The following MTA3 variants were observed in gnomAD, a reference collection of about 807,000 sequenced individuals.
MTA3 encodes metastasis-associated protein MTA3.
MTA3 carries 34 observed loss-of-function variants against 83.5 expected under a neutral mutation model. That is an observed-to-expected ratio of 0.41 (90% CI 0.31 to 0.54). MTA3 has a LOEUF of 0.54. MTA3 is among the 20% of genes least tolerant of loss of function. The pLI is 0.33. For missense variants in MTA3, 761 were observed against 726.4 expected, an observed-to-expected ratio of 1.05 and a Z score of -0.55; for synonymous variants, 303 against 252.7, an observed-to-expected ratio of 1.20 and a Z score of -1.89.
intron 2 of MTA3, among the ~76,000 whole-genome samples, chr2:42,572,100 A>G (rs1678554756): frequency 6.6e-6 from 1 of 151,764 alleles, no homozygotes; most frequent in Non-Finnish European, 1.5e-5. Context: ...ACATAGTGAA[A>G]CCCCGTCTCT....
rs1011650058 is a variant in MTA3 at position 42,711,921 on chromosome 2, AG to A, written c.1525+2827del. Among the ~76,000 whole-genome samples the A allele has an allele frequency of 6.5e-4, 99 of 152,202 alleles. 1 individual carries two copies. The highest frequency in any genetic ancestry group is 2.3e-3 in the African/African-American group (95 of 41,526). On this transcript the variant is annotated intron_variant, in intron 14 of 16. Transcript: ENST00000405094. The stretch of plus-strand genomic sequence containing the variant: ...TGCAATGTGAATGTACTTTCAGATA[AG>A]GCTGAAGTGTGTTATTCTCAAAATA...
In MTA3 at chr2:42,562,738, G is replaced by C. The variant is rs547298288; in HGVS notation, c.-140-7699G>C. ...GTTTGGCTTATTCCTTAGATTGGCT[G>C]GGCTCTGGGGTGATGGTAACACCAG... is the stretch of plus-strand genomic sequence containing the variant. On this transcript the variant is annotated intron_variant, in intron 2 of 17. Coordinates refer to the MTA3 transcript ENST00000405592. Among the ~76,000 whole-genome samples, 22 of 152,248 alleles carry C rather than the reference G, an allele frequency of 1.4e-4. No individual in the cohort carries two copies. The South Asian group carries it at 3.5e-3, about 24-fold the overall frequency.
At chr2:42,547,900 G>C (rs900013185) in intron 2 of MTA3, among the ~76,000 whole-genome samples, 2 of 151,108 alleles carry the variant, frequency 1.3e-5, no homozygotes, top group Admixed American at 6.6e-5. Flanking sequence ...TCCTAAATTA[G>C]GTTTTCAATC....
intron 2 of MTA3, among the ~76,000 whole-genome samples, chr2:42,525,603 T>TTCCCTTCC (rs368874061): frequency 1.0e-5 from 1 of 95,422 alleles, no homozygotes; most frequent in Admixed American, 1.2e-4. Context: ...CCTTCCTTCC[T>TTCCCTTCC]TTCCTTCCTT....
At chr2:42,655,510 A>G (rs1189336055) in intron 6 of MTA3, among the ~76,000 whole-genome samples, 2 of 152,142 alleles carry the variant, frequency 1.3e-5, no homozygotes, top group African/African-American at 4.8e-5. Context: ...TCAGATTCTT[A>G]TGCTATAACT....
chr2:42,594,243 CCTTT>C (rs1681403723), intron 3 of MTA3, among the ~76,000 whole-genome samples: 1 of 55,158 alleles, frequency 1.8e-5, no homozygotes, highest in Non-Finnish European at 3.1e-5. Context: ...GCGCCAGGCC[CCTTT>C]TTTTTTTTTT....
intron 4 of MTA3, among the ~76,000 whole-genome samples, chr2:42,633,443 G>A (rs937757575): frequency 1.3e-5 from 2 of 152,090 alleles, no homozygotes; most frequent in African/African-American, 2.4e-5. Flanking sequence ...GCGGGGCCTG[G>A]TGGTTCATGC....
intron 4 of MTA3, among the ~76,000 whole-genome samples, chr2:42,628,938 A>G (rs1686399626): frequency 1.3e-5 from 2 of 152,204 alleles, no homozygotes; most frequent in African/African-American, 2.4e-5. Flanking sequence ...AATACTGGGC[A>G]AAGAAATAGT....
intron 2 of MTA3, among the ~76,000 whole-genome samples, chr2:42,511,062 A>G (rs1674875427): frequency 6.6e-6 from 1 of 152,050 alleles, no homozygotes; most frequent in South Asian, 2.1e-4. Flanking sequence ...TCCCAACCCC[A>G]CAATCCTAGC....
chr2:42,577,775 G>A lies in MTA3; in HGVS notation c.97-1332G>A, dbSNP rs1225349247. On this transcript the variant is annotated intron_variant, in intron 2 of 16. Transcript: ENST00000405094. The stretch of plus-strand genomic sequence containing the variant: ...ATTACAGGTGTGAGCCACCGCACCC[G>A]GCCTGGATTTTTAATGTCTCAAGAA... Among the ~76,000 whole-genome samples the A allele has an allele frequency of 3.3e-5, 5 of 152,180 alleles. No individual in the cohort carries two copies. In the East Asian group the frequency reaches 5.8e-4, roughly 18 times the overall value.
intron 12 of MTA3, among the ~76,000 whole-genome samples, chr2:42,707,438 G>A (rs1420961980): frequency 2.0e-5 from 3 of 151,936 alleles, no homozygotes; most frequent in African/African-American, 4.8e-5. Flanking sequence ...CAGTAGAGAC[G>A]GGGTTTCACC....
chr2:42,664,161 G>A (rs1690002886), intron 8 of MTA3, among the ~76,000 whole-genome samples: 1 of 152,132 alleles, frequency 6.6e-6, no homozygotes, highest in Non-Finnish European at 1.5e-5. Flanking sequence ...CAGCACTGAA[G>A]AAGATGTGTT....
At chr2:42,678,929 A>G (rs938039765) in intron 8 of MTA3, among the ~76,000 whole-genome samples, 2 of 152,198 alleles carry the variant, frequency 1.3e-5, no homozygotes, top group African/African-American at 4.8e-5. Flanking sequence ...TTAAAAAAAT[A>G]CAAATAAGAA....
chr2:42,599,926 G>C lies in MTA3; in HGVS notation c.191-9532G>C, dbSNP rs1338697318. Among the ~76,000 whole-genome samples the C allele has an allele frequency of 9.9e-5, 15 of 152,096 alleles. No homozygotes were observed. The East Asian group carries it at 2.9e-3, about 29-fold the overall frequency. On this transcript the variant is annotated intron_variant, in intron 3 of 16. Transcript: ENST00000405094. ...AAAACTTGCTTATGGGCCAGGCATG[G>C]TGGCTCACGCTTGTAATCCCAGCAC...
At position 42,709,009 on chromosome 2, in the gene MTA3, C is replaced by T. The variant is rs375906146; in HGVS notation, c.1438C>T (p.Arg480Cys). Residue 480 changes from arginine (R) to cysteine (C), a missense_variant, in exon 14 of 17, where the codon CGT becomes TGT. By Grantham distance (180) the Arg-to-Cys change is radical. Coordinates refer to ENST00000405094, the MANE Select transcript of MTA3 (RefSeq NM_001330442.2). ...TACTACATATTTCACAAAATTTGCT[C>T]GTCAGGTCTGCAAAAATACCCTCCG... ...LHTTYFTKFARQVCKNTLRLR... is the reference protein window; with the variant it reads ...LHTTYFTKFACQVCKNTLRLR... 1.7e-5 allele frequency: 28 copies of T among 1,613,886 alleles called. No individual in the cohort carries two copies. Among genetic ancestry groups the T allele is most frequent in the East Asian group, 6.7e-5 (3 of 44,894 alleles).
intron 7 of MTA3, among the ~76,000 whole-genome samples, chr2:42,658,265 C>G (rs375425538): frequency 6.6e-6 from 1 of 152,074 alleles, no homozygotes; most frequent in Non-Finnish European, 1.5e-5. Flanking sequence ...CTTTGGAATA[C>G]TGTTTGCTGT....
intron 6 of MTA3, among the ~76,000 whole-genome samples, chr2:42,654,535 C>T (rs964501701): frequency 5.9e-5 from 9 of 152,214 alleles, no homozygotes; most frequent in Admixed American, 4.6e-4. Context: ...CTAACATTGA[C>T]TCTTGTTCAA....
intron 14 of MTA3, among the ~76,000 whole-genome samples, chr2:42,710,419 C>T (rs1463916886): frequency 6.6e-6 from 1 of 151,850 alleles, no homozygotes; most frequent in Non-Finnish European, 1.5e-5. Context: ...GGCGTGGTGG[C>T]AGGCGCCTGT....
At chr2:42,596,426 A>T (rs139607172) in intron 3 of MTA3, among the ~76,000 whole-genome samples, 23 of 152,274 alleles carry the variant, frequency 1.5e-4, no homozygotes, top group African/African-American at 5.5e-4. Context: ...TTGCTATTTT[A>T]TGGAGTTTTT....
Sources: allele counts gnomAD v4.1 joint callset (sites outside exome capture counted in the v4.1 genomes callset), GRCh38; gene constraint gnomAD v4.1.1; transcripts MANE v1.5; gene names NCBI Gene and HGNC (gene_info 2026-07-23, HGNC 2026-07-21).